Variants in FUT9 observed in about 807,000 individuals in gnomAD.
FUT9 encodes the protein 4-galactosyl-N-acetylglucosaminide 3-alpha-L-fucosyltransferase 9.
FUT9 carries 15 observed loss-of-function variants against 29.7 expected under a neutral mutation model. The ratio of observed to expected loss-of-function variants is 0.51; its 90% CI spans 0.34 to 0.78. FUT9 has a LOEUF of 0.78. FUT9 is among the 30% of genes least tolerant of loss of function. FUT9 has a pLI of 0.01. For synonymous variants in FUT9, 169 were observed against 153.7 expected (o/e 1.10, Z -0.74); for missense variants, 319 against 425.4 (o/e 0.75, Z 2.20).
intron 1 of FUT9, among the ~76,000 whole-genome samples, chr6:96,084,819 C>G (rs1402086772): frequency 6.6e-6 from 1 of 152,138 alleles, no homozygotes; most frequent in Non-Finnish European, 1.5e-5. Flanking sequence ...TCACTCTCCA[C>G]AGACATTTAC....
At chr6:96,135,408 G>T (rs775167360) in intron 2 of FUT9, among the ~76,000 whole-genome samples, 3 of 151,858 alleles carry the variant, frequency 2.0e-5, no homozygotes, top group Non-Finnish European at 4.4e-5. Flanking sequence ...TACTTATTGG[G>T]CCCAAGAGAA....
At chr6:96,193,475 G>C (rs1381114540) in intron 2 of FUT9, among the ~76,000 whole-genome samples, 4 of 148,742 alleles carry the variant, frequency 2.7e-5, no homozygotes, top group African/African-American at 9.9e-5. Context: ...CTGGCCATCA[G>C]AGAAATGCAA....
intron 1 of FUT9, among the ~76,000 whole-genome samples, chr6:96,081,487 G>A (rs1771236351): frequency 6.6e-6 from 1 of 151,474 alleles, no homozygotes; most frequent in Non-Finnish European, 1.5e-5. Context: ...TGTTTTTATT[G>A]TTCTACATTA....
chr6:96,125,209 T>G (rs534741234), intron 2 of FUT9, among the ~76,000 whole-genome samples: 1 of 152,324 alleles, frequency 6.6e-6, no homozygotes, highest in Admixed American at 6.5e-5. Context: ...GCTACATAAT[T>G]GTTAAATCTT....
chr6:96,056,084 G>A (rs1359350895), intron 1 of FUT9, among the ~76,000 whole-genome samples: 2 of 152,156 alleles, frequency 1.3e-5, no homozygotes, highest in Non-Finnish European at 2.9e-5. Context: ...TTTTAGATAT[G>A]TTGAGTTTCT....
At chr6:96,189,139 T>C (rs1773459413) in intron 2 of FUT9, among the ~76,000 whole-genome samples, 1 of 152,022 alleles carries the variant, frequency 6.6e-6, no homozygotes, top group Non-Finnish European at 1.5e-5. Flanking sequence ...CAGGAACTTT[T>C]CACAAGCTAC....
chr6:96,150,756 A>G (rs1187942841), intron 2 of FUT9, among the ~76,000 whole-genome samples: 1 of 152,172 alleles, frequency 6.6e-6, no homozygotes, highest in African/African-American at 2.4e-5. Flanking sequence ...TTTCCAGAAT[A>G]CCGTGGATCT....
intron 2 of FUT9, among the ~76,000 whole-genome samples, chr6:96,183,840 T>C (rs1773354435): frequency 2.0e-5 from 3 of 152,136 alleles, no homozygotes; most frequent in Admixed American, 2.0e-4. Context: ...TTGGATTCAG[T>C]TAGCTAATAT....
intron 2 of FUT9, among the ~76,000 whole-genome samples, chr6:96,146,084 C>A (rs1439604603): frequency 1.3e-5 from 2 of 152,086 alleles, no homozygotes; most frequent in Non-Finnish European, 2.9e-5. Context: ...TCCAGGGACC[C>A]CACCTAAACC....
intron 1 of FUT9, among the ~76,000 whole-genome samples, chr6:96,064,205 C>T (rs1273294951): frequency 6.6e-6 from 1 of 152,104 alleles, no homozygotes; most frequent in Non-Finnish European, 1.5e-5. Context: ...TCATCCTGCA[C>T]CTATTATTAA....
intron 1 of FUT9, among the ~76,000 whole-genome samples, chr6:96,035,750 T>G (rs1770345102): frequency 7.5e-6 from 1 of 133,860 alleles, no homozygotes; most frequent in Admixed American, 8.1e-5. Context: ...TATACTAATA[T>G]AATATAATAT....
chr6:96,210,965 T>C lies in FUT9; in HGVS notation c.*6730T>C, dbSNP rs1430702016. The C allele has an allele frequency of 6.0e-6, 1 of 166,892 alleles. No homozygotes were observed. The highest frequency in any genetic ancestry group is 1.9e-4 in the East Asian group (1 of 5,196). 10.3% of individuals were successfully genotyped at this position (166,892 alleles called of 1,614,324 possible). A position where few individuals can be genotyped will look rare whatever the true frequency, so the allele number is the denominator to read the frequency against. ...TTATATTCAGGTGACTAGATATGTG[T>C]TCAAGTGTTATCTTTTATTCTTATA... On this transcript the variant is annotated 3_prime_UTR_variant, in exon 3 of 3. Transcript: ENST00000302103.
At chr6:96,030,057 A>C (rs1337291016) in intron 1 of FUT9, among the ~76,000 whole-genome samples, 1 of 151,648 alleles carries the variant, frequency 6.6e-6, no homozygotes, top group Non-Finnish European at 1.5e-5. Flanking sequence ...TCTGATGACC[A>C]GAACTCCTCT....
chr6:96,086,766 T>C (rs146922882), intron 1 of FUT9, among the ~76,000 whole-genome samples: 2 of 152,346 alleles, frequency 1.3e-5, no homozygotes, highest in East Asian at 3.9e-4. Context: ...GAACTCATTA[T>C]CTACCATGCA....
At chr6:96,079,489 A>T (rs1459558163) in intron 1 of FUT9, among the ~76,000 whole-genome samples, 1 of 152,162 alleles carries the variant, frequency 6.6e-6, no homozygotes, top group Non-Finnish European at 1.5e-5. Context: ...GTATTTAAAG[A>T]CATATTATTC....
At chr6:96,110,815 C>CTATTTTT (rs11283884) in intron 1 of FUT9, among the ~76,000 whole-genome samples, 22 of 145,152 alleles carry the variant, frequency 1.5e-4, no homozygotes, top group East Asian at 4.1e-4. Flanking sequence ...ACAAATGTGC[C>CTATTTTT]TATTTATTTA....
chr6:96,040,080 A>G (rs1770433721), intron 1 of FUT9, among the ~76,000 whole-genome samples: 1 of 152,016 alleles, frequency 6.6e-6, no homozygotes, highest in Admixed American at 6.6e-5. Context: ...CATGTATGTG[A>G]CCTATGACAT....
intron 2 of FUT9, among the ~76,000 whole-genome samples, chr6:96,143,477 C>T (rs1398925728): frequency 6.6e-6 from 1 of 152,074 alleles, no homozygotes; most frequent in African/African-American, 2.4e-5. Flanking sequence ...TTCATTCCTT[C>T]TTTCCTTTTT....
chr6:96,105,781 C>T lies in FUT9; in HGVS notation c.-97-8258C>T, dbSNP rs182039399. Among the ~76,000 whole-genome samples, 240 of 152,228 alleles carry T rather than the reference C, an allele frequency of 1.6e-3. 1 individual carries two copies. The highest frequency in any genetic ancestry group is 3.3e-3 in the South Asian group (16 of 4,826). On this transcript the variant is annotated intron_variant, in intron 1 of 2. Transcript: ENST00000302103. Reference sequence around the variant, plus strand: ...CTGTTATTTTTCACAGCATGATTCCCAAACATCTGCAACAAATTCCTCTAA... The same window carrying T: ...CTGTTATTTTTCACAGCATGATTCCTAAACATCTGCAACAAATTCCTCTAA...
Sources: allele counts gnomAD v4.1 joint callset (sites outside exome capture counted in the v4.1 genomes callset), GRCh38; gene constraint gnomAD v4.1.1; transcripts MANE v1.5; gene names NCBI Gene and HGNC (gene_info 2026-07-23, HGNC 2026-07-21).